GPAM: variants seen among roughly 807,000 people sequenced by gnomAD.
GPAM encodes glycerol-3-phosphate acyltransferase 1, mitochondrial.
A neutral mutation model predicts 105.0 loss-of-function variants in GPAM; 56 were observed. That is an observed-to-expected ratio of 0.53 (90% confidence interval 0.43 to 0.67). GPAM has a LOEUF of 0.67. Among genes scored for constraint, GPAM ranks in the 30% least tolerant of loss-of-function variants. GPAM has a pLI of 0.00. For synonymous variants in GPAM, 368 were observed against 354.4 expected (o/e 1.04, Z -0.43); for missense variants, 855 against 989.8 (o/e 0.86, Z 1.83).
rs1321279655 is a variant in GPAM, at chr10:112,154,859, G to A, written c.2312-172C>T. 8.9e-6 allele frequency: 6 copies of A among 674,454 alleles called. No homozygotes were observed. In the Admixed American group the frequency reaches 1.3e-4, roughly 14 times the overall value. The allele number at this position is 674,454 out of a possible 1,614,324, so 41.8% of individuals were successfully genotyped here. A position where few individuals can be genotyped will look rare whatever the true frequency, so the allele number is the denominator to read the frequency against. On this transcript the variant is annotated intron_variant, in intron 20 of 21. Transcript: ENST00000348367. ...CAACCTGTGAGTTCTCAGATGACTT[G>A]CTGTTAAACCTACTTTGCTTACACC...
At chr10:112,158,440 C>CT (rs775550097) in intron 17 of GPAM, 47 bp from the exon 18 acceptor site, 5 of 1,193,534 alleles carry the variant, frequency 4.2e-6, no homozygotes, top group Non-Finnish European at 5.0e-6. Flanking sequence ...TTTTATACTT[C>CT]TTTTTTTAAA....
At chr10:112,198,832 C>CT (rs1847756822) in intron 1 of GPAM, among the ~76,000 whole-genome samples, 1 of 152,088 alleles carries the variant, frequency 6.6e-6, no homozygotes, top group Admixed American at 6.5e-5. Context: ...CAACGGACTA[C>CT]TCTTCAGCCT....
chr10:112,204,675 G>A (rs1327904035), intron 1 of GPAM, among the ~76,000 whole-genome samples: 4 of 150,982 alleles, frequency 2.6e-5, no homozygotes, highest in Non-Finnish European at 5.9e-5. Flanking sequence ...GAAAACAACA[G>A]ATCATAGTAG....
intron 1 of GPAM, among the ~76,000 whole-genome samples, chr10:112,202,151 T>G (rs912373782): frequency 3.3e-5 from 5 of 152,222 alleles, no homozygotes; most frequent in African/African-American, 1.2e-4. Flanking sequence ...AATGGCCAGA[T>G]AGTAAATATT....
the GPAM span, among the ~76,000 whole-genome samples, chr10:112,222,647 T>C: frequency 1.3e-5 from 2 of 152,176 alleles, no homozygotes; most frequent in Non-Finnish European, 2.9e-5. Flanking sequence ...ATGGCACACA[T>C]TGTTCCTGAT....
At position 112,161,710 on chromosome 10, in the gene GPAM, G is replaced by T. The variant is rs1408957781; in HGVS notation, c.1451C>A (p.Ser484Tyr). ...GAGCAGGCAAGCCACAATGTGTGTG[G>T]ACATAATGGCACAGGACTTGCTAGC... The part of the protein sequence containing the change: ...FTASKSCAIM[S>Y]THIVACLLLY... The change falls in exon 15 of 22, where the codon TCC becomes TAC. Residue 484 changes from serine to tyrosine, a missense_variant. Transcript: ENST00000348367. 1 of 1,614,080 alleles carries T rather than the reference G, an allele frequency of 6.2e-7. No homozygotes were observed. Among genetic ancestry groups the T allele is most frequent in the Non-Finnish European group, 8.5e-7 (1 of 1,179,932 alleles).
Position 112,168,374 on chromosome 10 carries a change from T to C in GPAM, c.1045A>G (p.Ile349Val). 6.2e-7 allele frequency: 1 copy of C among 1,611,186 alleles called. No homozygotes were observed. Among genetic ancestry groups the C allele is most frequent in the Non-Finnish European group, 8.5e-7 (1 of 1,177,316 alleles). The change falls in exon 11 of 22, where the codon ATA becomes GTA. Residue 349 changes from isoleucine to valine, a missense_variant. Transcript: ENST00000348367. ...LSTNVIPDIL[I>V]IPVGISYDRI... ...TCATAGGAGATTCCAACAGGTATTA[T>C]CAAGATGTCTGGGATGACATTGGTA...
chr10:112,151,379 T>C lies in GPAM; in HGVS notation c.*2171A>G. 2 of 985,848 alleles carry C rather than the reference T, an allele frequency of 2.0e-6. No individual in the cohort carries two copies. The highest frequency in any genetic ancestry group is 2.4e-6 in the Non-Finnish European group (2 of 829,918). The allele number at this position is 985,848 out of a possible 1,614,324, so 61.1% of individuals were successfully genotyped here. The stretch of plus-strand genomic sequence containing the variant: ...CACTGAAGAATGAGTTGTGCTGAAA[T>C]TAACTCAAAGGTCAGCTTGTCTGGA... On this transcript the variant is annotated 3_prime_UTR_variant, in exon 22 of 22. Transcript: ENST00000348367.
At chr10:112,169,802 G>A (rs2900943) in intron 9 of GPAM, among the ~76,000 whole-genome samples, 3,073 of 152,252 alleles carry the variant, frequency 0.02, 110 homozygotes, top group African/African-American at 0.07. Context: ...TATATTTACA[G>A]CCATTCCCCA....
intron 19 of GPAM, 162 bp from the exon 20 acceptor site, chr10:112,156,215 G>A: frequency 1.5e-6 from 1 of 660,488 alleles, no homozygotes; most frequent in East Asian, 2.7e-5. Flanking sequence ...GAGAATCTCT[G>A]CTGGAAACAA....
the GPAM span, among the ~76,000 whole-genome samples, chr10:112,222,461 T>G: frequency 1.3e-5 from 2 of 152,138 alleles, no homozygotes; most frequent in Non-Finnish European, 2.9e-5. Flanking sequence ...CCCACCTATT[T>G]GCTATACCTG....
chr10:112,188,617 G>T (rs1370863032), upstream of GPAM, among the ~76,000 whole-genome samples: 2 of 152,122 alleles, frequency 1.3e-5, no homozygotes, highest in Non-Finnish European at 2.9e-5. Flanking sequence ...TTATGAAAAT[G>T]GCACACACCC....
chr10:112,195,929 G>A (rs2133288144), intron 1 of GPAM, among the ~76,000 whole-genome samples: 1 of 152,316 alleles, frequency 6.6e-6, no homozygotes, highest in East Asian at 1.9e-4. Flanking sequence ...ATGCATCTAA[G>A]GTAGACAGCA....
At chr10:112,162,355 G>A (rs546039277) in intron 14 of GPAM, among the ~76,000 whole-genome samples, 14 of 152,240 alleles carry the variant, frequency 9.2e-5, no homozygotes, top group South Asian at 8.3e-4. Context: ...TGACTGGCCC[G>A]GCACAGGAGC....
At chr10:112,170,666 C>T (rs1266545993) in intron 9 of GPAM, among the ~76,000 whole-genome samples, 1 of 150,584 alleles carries the variant, frequency 6.6e-6, no homozygotes, top group Non-Finnish European at 1.5e-5. Flanking sequence ...GTTCCTTGTT[C>T]CTGGAGAGAG....
At chr10:112,161,610 A>C in intron 15 of GPAM, 57 bp downstream of exon 15, 1 of 1,381,888 alleles carries the variant, frequency 7.2e-7, no homozygotes, top group Non-Finnish European at 1.0e-6. Context: ...GTATCTGAGC[A>C]GCTGACAAAA....
intron 17 of GPAM, 107 bp from the exon 18 acceptor site, chr10:112,158,500 C>T (rs1158481441): frequency 1.6e-5 from 12 of 733,662 alleles, no homozygotes; most frequent in Non-Finnish European, 2.7e-5. Flanking sequence ...ATTCTGTTAC[C>T]TCCATCACCC....
intron 1 of GPAM, among the ~76,000 whole-genome samples, chr10:112,210,207 A>G (rs1377082356): frequency 6.6e-6 from 1 of 152,206 alleles, no homozygotes; most frequent in Non-Finnish European, 1.5e-5. Flanking sequence ...TTTTCCTCTT[A>G]CGAGCTGTTG....
chr10:112,161,598 A>T lies in GPAM; in HGVS notation c.1494+69T>A, dbSNP rs558718405. The T allele has an allele frequency of 8.5e-6, 11 of 1,290,030 alleles. No individual in the cohort carries two copies. The African/African-American group carries it at 8.7e-5, about 10-fold the overall frequency. 79.9% of individuals were successfully genotyped at this position (1,290,030 alleles called of 1,614,324 possible). On this transcript the variant is annotated intron_variant, in intron 15 of 21. Coordinates refer to ENST00000348367, the MANE Select transcript of GPAM (RefSeq NM_001244949.2). ...GAGTGGGCCAAATCTGCCCCTGAGT[A>T]TGTATCTGAGCAGCTGACAAAACAT...
Sources: allele counts gnomAD v4.1 joint callset (sites outside exome capture counted in the v4.1 genomes callset), GRCh38; gene constraint gnomAD v4.1.1; transcripts MANE v1.5; gene names NCBI Gene and HGNC (gene_info 2026-07-23, HGNC 2026-07-21).